The following KDM2A variants were observed in gnomAD, a reference collection of about 807,000 sequenced individuals.
KDM2A encodes the protein lysine-specific demethylase 2A.
KDM2A carries 3 observed loss-of-function variants against 137.3 expected under a neutral mutation model. The observed-to-expected ratio is 0.02, with a 90% CI of 0.01 to 0.06. The LOEUF is 0.06. Among genes scored for constraint, KDM2A ranks in the 10% least tolerant of loss-of-function variants. The probability of loss-of-function intolerance (pLI) is 1.00; values close to 1 mark genes in which losing one functional copy is unlikely to be tolerated. For synonymous variants in KDM2A, 512 were observed against 541.5 expected (o/e 0.95, Z 0.76); for missense variants, 738 against 1,510.6 (o/e 0.49, Z 8.48).
intron 15 of KDM2A, 33 bp downstream of exon 15, chr11:67,246,149 C>T (rs916589091): frequency 1.2e-6 from 2 of 1,611,714 alleles, no homozygotes; most frequent in Non-Finnish European, 8.5e-7. Context: ...CCTGAAGTCT[C>T]AGCTAATGGA....
intron 2 of KDM2A, among the ~76,000 whole-genome samples, chr11:67,157,914 A>G (rs1381796273): frequency 6.6e-6 from 1 of 152,042 alleles, no homozygotes; most frequent in African/African-American, 2.4e-5. Context: ...ACATAGTGAG[A>G]CCCCATCGCA....
chr11:67,179,749 T>C (rs1221885041), intron 2 of KDM2A, among the ~76,000 whole-genome samples: 1 of 152,214 alleles, frequency 6.6e-6, no homozygotes, highest in East Asian at 1.9e-4. Context: ...ATGAAGACAG[T>C]TTGTGCCCAC....
chr11:67,144,786 G>A (rs1225473673), intron 2 of KDM2A, among the ~76,000 whole-genome samples: 3 of 151,302 alleles, frequency 2.0e-5, no homozygotes, highest in Non-Finnish European at 4.4e-5. Flanking sequence ...GGTTGGTCTT[G>A]AACTCCTGGC....
chr11:67,254,803 C>G lies in KDM2A; in HGVS notation c.3308-71C>G. On this transcript the variant is annotated intron_variant, in intron 20 of 20. Transcript: ENST00000529006. The surrounding 1 kb of genome is among the most constrained non-coding windows in gnomAD (Gnocchi z 4.7). ...GTTTAGCATTTTGAAGGAAAGACGG[C>G]TACAGGAATTGAATGGCAGAGGAAA... 1 of 1,389,734 alleles carries G rather than the reference C, an allele frequency of 7.2e-7. No individual in the cohort carries two copies. The highest frequency in any genetic ancestry group is 1.2e-5 in the South Asian group (1 of 80,920). The allele number at this position is 1,389,734 out of a possible 1,614,324, so 86.1% of individuals were successfully genotyped here.
rs1859188573 is a variant in KDM2A, at chr11:67,245,858, G to A, written c.1834-127G>A. On this transcript the variant is annotated intron_variant, in intron 14 of 20. Transcript: ENST00000529006. The surrounding 1 kb of genome is among the most constrained non-coding windows in gnomAD (Gnocchi z 4.1). Reference sequence around the variant, plus strand: ...CCAAAACCTCCGTTCTCTCCACCCTGCCTCCATGCTTCCAGGTGTTTAGTA... The same window carrying A: ...CCAAAACCTCCGTTCTCTCCACCCTACCTCCATGCTTCCAGGTGTTTAGTA... 1 of 1,113,634 alleles carries A rather than the reference G, an allele frequency of 9.0e-7. No homozygotes were observed. Among genetic ancestry groups the A allele is most frequent in the East Asian group, 2.5e-5 (1 of 39,250 alleles). The allele number at this position is 1,113,634 out of a possible 1,614,324, so 69.0% of individuals were successfully genotyped here.
chr11:67,202,857 T>C (rs1209935841), intron 5 of KDM2A, among the ~76,000 whole-genome samples: 1 of 151,152 alleles, frequency 6.6e-6, no homozygotes, highest in Non-Finnish European at 1.5e-5. Context: ...TAGCCAGCCA[T>C]TGTGGCACGT....
chr11:67,128,694 T>C lies in KDM2A; in HGVS notation c.42+7336T>C, dbSNP rs545174402. 1.1e-3 allele frequency among the ~76,000 whole-genome samples: 165 copies of C among 152,342 alleles called. 1 individual carries two copies. Among genetic ancestry groups the C allele is most frequent in the African/African-American group, 3.9e-3 (161 of 41,588 alleles). On this transcript the variant is annotated intron_variant, in intron 2 of 20. Transcript: ENST00000529006. ...ATTTAAGCCCTATTATTTTCTGTTG[T>C]TTTATTTTGCTGAGCATTAATCACT...
At chr11:67,201,048 G>C (rs919301657) in intron 5 of KDM2A, among the ~76,000 whole-genome samples, 5 of 151,918 alleles carry the variant, frequency 3.3e-5, no homozygotes, top group African/African-American at 9.7e-5. Flanking sequence ...AAAAAAATTA[G>C]CCGGGCGTGG....
In KDM2A at chr11:67,244,915, G is replaced by A. The variant is rs577833575; in HGVS notation, c.1564-274G>A. 2.0e-5 allele frequency among the ~76,000 whole-genome samples: 3 copies of A among 151,968 alleles called. No homozygotes were observed. In the South Asian group the frequency reaches 6.2e-4, roughly 32 times the overall value. The stretch of plus-strand genomic sequence containing the variant: ...GCAGGAGAATGGCGGGAACCCGGGA[G>A]GCGGAGCTTGCAGTGAGCCGAGATC... On this transcript the variant is annotated intron_variant, in intron 13 of 20. Transcript: ENST00000529006.
intron 11 of KDM2A, among the ~76,000 whole-genome samples, chr11:67,230,821 CTG>C (rs1217342015): frequency 2.0e-5 from 3 of 152,124 alleles, no homozygotes; most frequent in Non-Finnish European, 2.9e-5. Context: ...ACATTTATCA[CTG>C]TGTTTTGACT....
At chr11:67,165,180 G>C (rs1856712509) in intron 2 of KDM2A, among the ~76,000 whole-genome samples, 1 of 151,628 alleles carries the variant, frequency 6.6e-6, no homozygotes, top group Non-Finnish European at 1.5e-5. Context: ...GGAGTGCAGT[G>C]GCGCGATCTT....
intron 6 of KDM2A, among the ~76,000 whole-genome samples, chr11:67,212,317 A>G (rs1858019585): frequency 6.6e-6 from 1 of 152,136 alleles, no homozygotes; most frequent in African/African-American, 2.4e-5. Context: ...GCATTTGTAA[A>G]AGTAGGTTCC....
At chr11:67,127,380 C>T (rs1468231484) in intron 2 of KDM2A, among the ~76,000 whole-genome samples, 2 of 152,034 alleles carry the variant, frequency 1.3e-5, no homozygotes, top group African/African-American at 4.8e-5. Flanking sequence ...CTTGGCTTCC[C>T]AAAGTGCTGG....
intron 10 of KDM2A, among the ~76,000 whole-genome samples, chr11:67,221,061 A>T (rs956758101): frequency 6.6e-6 from 1 of 152,018 alleles, no homozygotes; most frequent in African/African-American, 2.4e-5. Flanking sequence ...GTTCACAGGA[A>T]TCATAAAAAG....
chr11:67,172,050 C>T (rs1278339642), intron 2 of KDM2A, among the ~76,000 whole-genome samples: 5 of 152,116 alleles, frequency 3.3e-5, no homozygotes, highest in African/African-American at 9.7e-5. Flanking sequence ...AGTTCAGTGG[C>T]GTGAACATGG....
At chr11:67,215,225 T>G in intron 6 of KDM2A, 115 bp from the exon 7 acceptor site, 1 of 598,096 alleles carries the variant, frequency 1.7e-6, no homozygotes, top group Non-Finnish European at 2.9e-6. Flanking sequence ...TGCTTATAAT[T>G]AAATTATAGT....
intron 16 of KDM2A, 115 bp downstream of exon 16, chr11:67,248,485 T>G: frequency 1.5e-6 from 1 of 665,672 alleles, no homozygotes; most frequent in Non-Finnish European, 2.6e-6. Context: ...CCTAGGAGAT[T>G]ATTTTTGTTT....
intron 5 of KDM2A, among the ~76,000 whole-genome samples, chr11:67,186,724 G>A (rs750371031): frequency 6.6e-6 from 1 of 152,178 alleles, no homozygotes; most frequent in South Asian, 2.1e-4. Flanking sequence ...AACTTTGAGT[G>A]TAGCCCCACA....
chr11:67,216,995 A>AGGTGGGTGGC (rs1431241072), intron 8 of KDM2A, among the ~76,000 whole-genome samples: 1 of 151,830 alleles, frequency 6.6e-6, no homozygotes, highest in Non-Finnish European at 1.5e-5. Context: ...CTGTAATCCA[A>AGGTGGGTGGC]CACTTTGGGA....
Sources: allele counts gnomAD v4.1 joint callset (sites outside exome capture counted in the v4.1 genomes callset), GRCh38; gene constraint gnomAD v4.1.1; non-coding constraint Gnocchi (gnomAD v3.1); transcripts MANE v1.5; gene names NCBI Gene and HGNC (gene_info 2026-07-23, HGNC 2026-07-21).